The following MROH2B variants were observed in gnomAD, a reference collection of about 807,000 sequenced individuals.
The protein encoded by MROH2B is maestro heat-like repeat-containing protein family member 2B.
Under a neutral mutation model 208.6 loss-of-function variants are expected in MROH2B, and 177 were observed. That is an observed-to-expected ratio of 0.85 (90% CI 0.75 to 0.96). The LOEUF (loss-of-function observed/expected upper bound fraction) is 0.96. Ranked by LOEUF, MROH2B falls within the 40% of genes least tolerant of loss-of-function variation. MROH2B has a pLI of 0.00. For synonymous variants in MROH2B, 728 were observed against 659.0 expected (o/e 1.10, Z -1.60); for missense variants, 2,002 against 1,878.7 (o/e 1.07, Z -1.21).
intron 28 of MROH2B, 82 bp from the exon 29 acceptor site, chr5:41,015,560 A>C (rs528704594): frequency 7.4e-6 from 9 of 1,224,364 alleles, no homozygotes; most frequent in East Asian, 2.4e-5. Flanking sequence ...TTGATATGAC[A>C]CTAAATTAGC....
intron 15 of MROH2B, 101 bp from the exon 16 acceptor site, chr5:41,048,566 A>T: frequency 7.8e-7 from 1 of 1,274,434 alleles, no homozygotes; most frequent in Non-Finnish European, 1.0e-6. Context: ...TGATTTCTGC[A>T]TTGGATAATC....
chr5:41,041,711 T>A (rs1176814308), intron 19 of MROH2B, among the ~76,000 whole-genome samples: 1 of 152,188 alleles, frequency 6.6e-6, no homozygotes, highest in Non-Finnish European at 1.5e-5. Context: ...TGGTAGGAAG[T>A]AAGTAGAGCT....
At position 41,009,935 on chromosome 5, in the gene MROH2B, G is replaced by A. The variant is rs1225174507; in HGVS notation, c.3280C>T (p.Leu1094=). ...TVVVNLLQKP[L]PFDRDTKTLW... is the part of the protein sequence containing the mutation. The stretch of plus-strand genomic sequence containing the variant: ...ATAAGGATCTACCTGTCAAAAGGCA[G>A]AGGCTTCTGTAAAAGGTTGACAACA... Residue 1094 remains leucine, a synonymous_variant, in exon 31 of 42, where the codon CTG becomes TTG. Transcript: ENST00000399564. The A allele has an allele frequency of 8.1e-6, 13 of 1,613,530 alleles. No individual in the cohort carries two copies. Among genetic ancestry groups the A allele is most frequent in the Non-Finnish European group, 9.3e-6 (11 of 1,179,688 alleles).
chr5:41,052,467 G>A lies in MROH2B; in HGVS notation c.1228C>T (p.Leu410=). The A allele has an allele frequency of 2.5e-6, 4 of 1,612,050 alleles. No individual in the cohort carries two copies. Among genetic ancestry groups the A allele is most frequent in the Non-Finnish European group, 3.4e-6 (4 of 1,178,844 alleles). ...FSQFATLNRN[L]EKPVKTNFHE... ...TCAAAACTGTAGCCTCTGCATACCA[G>A]ATTCCTGTTCAACGTTGCAAACTGG... The change falls in exon 12 of 42, where the codon CTG becomes TTG. Residue 410 remains leucine (L), a splice_region_variant and synonymous_variant. Coordinates refer to ENST00000399564, the MANE Select transcript of MROH2B (RefSeq NM_173489.5).
intron 24 of MROH2B, among the ~76,000 whole-genome samples, chr5:41,019,378 TAG>T (rs1742070493): frequency 6.6e-6 from 1 of 152,026 alleles, no homozygotes; most frequent in Non-Finnish European, 1.5e-5. Flanking sequence ...GAGAGAATGA[TAG>T]AGAGAGATAT....
intron 6 of MROH2B, among the ~76,000 whole-genome samples, chr5:41,060,001 C>A (rs1269819634): frequency 1.3e-5 from 2 of 152,218 alleles, no homozygotes; most frequent in East Asian, 1.9e-4. Flanking sequence ...GTGTTCAAAT[C>A]AAAATGTCTA....
chr5:41,005,002 A>G, intron 35 of MROH2B, 82 bp from the exon 36 acceptor site: 2 of 1,513,268 alleles, frequency 1.3e-6, no homozygotes, highest in South Asian at 1.3e-5. Context: ...TCACAAGTAC[A>G]ATTAAAGAGA....
intron 21 of MROH2B, among the ~76,000 whole-genome samples, chr5:41,036,259 G>C (rs868395996): frequency 6.6e-6 from 1 of 151,974 alleles, no homozygotes; most frequent in Non-Finnish European, 1.5e-5. Flanking sequence ...GAATCCCAGG[G>C]GCAGGTCTTT....
chr5:41,008,541 C>A (rs1741665857), intron 33 of MROH2B, 65 bp downstream of exon 33: 8 of 1,557,022 alleles, frequency 5.1e-6, no homozygotes, highest in Non-Finnish European at 7.0e-6. Context: ...CTGACTTCTG[C>A]AGCACCACTC....
chr5:41,054,395 A>T (rs1436686960), intron 11 of MROH2B, among the ~76,000 whole-genome samples: 1 of 152,216 alleles, frequency 6.6e-6, no homozygotes, highest in Non-Finnish European at 1.5e-5. Context: ...TTAGGGATTA[A>T]TATTTCCTGG....
At chr5:41,026,615 G>A (rs187307688) in intron 24 of MROH2B, among the ~76,000 whole-genome samples, 1,864 of 152,212 alleles carry the variant, frequency 0.012, 15 homozygotes, top group Middle Eastern at 0.024. Context: ...TACTGCCCAA[G>A]GTAATTTATA....
At chr5:41,051,406 T>C (rs924660415) in intron 12 of MROH2B, 1 of 192,210 alleles carries the variant, frequency 5.2e-6, no homozygotes, top group Non-Finnish European at 1.1e-5. Flanking sequence ...GCATGCTTCT[T>C]TGTGGAGTGA....
chr5:41,004,822 C>T lies in MROH2B; in HGVS notation c.3963G>A (p.Gln1321=). ...SAWDSNATLR[Q]MAIRGLGNTA... The stretch of plus-strand genomic sequence containing the variant: ...TGTTGCCGAGCCCTCGGATGGCCAT[C>T]TGCCTCAGAGTGGCGTTGGAGTCCC... The change falls in exon 36 of 42, where the codon CAG becomes CAA. Residue 1321 remains glutamine (Q), a synonymous_variant. Coordinates refer to ENST00000399564, the MANE Select transcript of MROH2B (RefSeq NM_173489.5). The T allele has an allele frequency of 2.5e-6, 4 of 1,614,044 alleles. No homozygotes were observed. Among genetic ancestry groups the T allele is most frequent in the Non-Finnish European group, 3.4e-6 (4 of 1,179,872 alleles).
chr5:41,015,323 A>T, intron 29 of MROH2B, 58 bp downstream of exon 29: 1 of 1,445,080 alleles, frequency 6.9e-7, no homozygotes, highest in Non-Finnish European at 9.7e-7. Flanking sequence ...TATGTAGCTT[A>T]CTCATTTGGA....
intron 11 of MROH2B, 93 bp from the exon 12 acceptor site, chr5:41,052,680 G>A (rs1336977445): frequency 7.3e-6 from 9 of 1,225,818 alleles, no homozygotes; most frequent in Non-Finnish European, 9.8e-6. Flanking sequence ...GGATAATTAA[G>A]TGGGAACATT....
chr5:40,998,599 G>C lies in MROH2B; in HGVS notation c.4651+13C>G, dbSNP rs753335486. ...GTAACAATATGCTGGGAAGAAACTA[G>C]GTTGGTACTCACGTGTGGTCAGTTG... On this transcript the variant is annotated intron_variant, in intron 41 of 41. Transcript: ENST00000399564. 74 of 1,584,748 alleles carry C rather than the reference G, an allele frequency of 4.7e-5. No individual in the cohort carries two copies. The highest frequency in any genetic ancestry group is 2.3e-4 in the Admixed American group (13 of 56,570).
chr5:41,054,928 C>A (rs1743397437), intron 10 of MROH2B, 88 bp from the exon 11 acceptor site: 4 of 857,472 alleles, frequency 4.7e-6, no homozygotes, highest in Non-Finnish European at 5.2e-6. Flanking sequence ...AGAATTATGG[C>A]ACATAATTGT....
chr5:40,999,868 A>G lies in MROH2B; in HGVS notation c.4483-89T>C, dbSNP rs1332173504. 6 of 1,173,350 alleles carry G rather than the reference A, an allele frequency of 5.1e-6. No homozygotes were observed. In the African/African-American group the frequency reaches 6.1e-5, roughly 12 times the overall value. The allele number at this position is 1,173,350 out of a possible 1,614,324, so 72.7% of individuals were successfully genotyped here. A position where few individuals can be genotyped will look rare whatever the true frequency, so the allele number is the denominator to read the frequency against. On this transcript the variant is annotated intron_variant, in intron 39 of 41. Coordinates refer to ENST00000399564, the MANE Select transcript of MROH2B (RefSeq NM_173489.5). ...CTATAGGTCCTCAGAACGGATTTGT[A>G]AAGGCCAGTGAGCACTCACACAGCC...
intron 5 of MROH2B, among the ~76,000 whole-genome samples, chr5:41,063,687 G>A (rs552445814): frequency 4.0e-4 from 61 of 152,320 alleles, no homozygotes; most frequent in African/African-American, 1.4e-3. Context: ...AAGTGGAAGG[G>A]AACGTAGCAA....
Sources: allele counts gnomAD v4.1 joint callset (sites outside exome capture counted in the v4.1 genomes callset), GRCh38; gene constraint gnomAD v4.1.1; transcripts MANE v1.5; gene names NCBI Gene and HGNC (gene_info 2026-07-23, HGNC 2026-07-21).